Variants in ROBO1 observed in about 807,000 individuals in gnomAD.
ROBO1 encodes roundabout guidance receptor 1.
ROBO1 carries 149 observed loss-of-function variants against 195.9 expected under a neutral mutation model. The ratio of observed to expected loss-of-function variants is 0.76; its 90% CI spans 0.67 to 0.87. The LOEUF (loss-of-function observed/expected upper bound fraction) is 0.87, where lower values mean the gene tolerates loss of function less well. ROBO1 is among the 40% of genes least tolerant of loss of function. The probability of loss-of-function intolerance (pLI) is 0.00; values close to 1 mark genes in which losing one functional copy is unlikely to be tolerated. For synonymous variants in ROBO1, 816 were observed against 733.2 expected, an observed-to-expected ratio of 1.11 and a Z score of -1.82; for missense variants, 1,933 against 2,068.3, an observed-to-expected ratio of 0.93 and a Z score of 1.27.
chr3:78,865,942 A>G (rs922662513), intron 4 of ROBO1, among the ~76,000 whole-genome samples: 4 of 152,172 alleles, frequency 2.6e-5, no homozygotes, highest in African/African-American at 9.7e-5. Context: ...AACACTGGAC[A>G]TAGCTCTCGA....
At chr3:79,522,050 T>A (rs993638932) in intron 2 of ROBO1, among the ~76,000 whole-genome samples, 1 of 152,224 alleles carries the variant, frequency 6.6e-6, no homozygotes, top group African/African-American at 2.4e-5. Context: ...ATATATGAAG[T>A]TAATAACAAC....
intron 2 of ROBO1, among the ~76,000 whole-genome samples, chr3:79,220,618 G>A (rs927070225): frequency 6.6e-6 from 1 of 151,924 alleles, no homozygotes; most frequent in African/African-American, 2.4e-5. Context: ...TGGTGGGTGA[G>A]GGGGTTATTC....
At chr3:79,506,122 T>C (rs1412306279) in intron 2 of ROBO1, among the ~76,000 whole-genome samples, 1 of 151,998 alleles carries the variant, frequency 6.6e-6, no homozygotes, top group Non-Finnish European at 1.5e-5. Flanking sequence ...CACAGGTTTA[T>C]TTATTTATTA....
intron 2 of ROBO1, among the ~76,000 whole-genome samples, chr3:79,258,041 T>G (rs941869510): frequency 6.6e-6 from 1 of 152,082 alleles, no homozygotes; most frequent in Non-Finnish European, 1.5e-5. Flanking sequence ...CTAAACTGTC[T>G]CTTTTCCTGT....
intron 1 of ROBO1, among the ~76,000 whole-genome samples, chr3:79,612,829 T>C (rs908478351): frequency 7.4e-3 from 1 of 136 alleles, no homozygotes; most frequent in African/African-American, 0.028. Flanking sequence ...AAATGTCTTC[T>C]TTTGAGAAGT....
intron 2 of ROBO1, among the ~76,000 whole-genome samples, chr3:79,206,882 A>T (rs553397940): frequency 1.3e-5 from 2 of 152,188 alleles, no homozygotes; most frequent in East Asian, 3.8e-4. Flanking sequence ...CATTAGCTGC[A>T]TATTTAAAAT....
At chr3:79,605,977 CAT>C (rs1170662663) in intron 1 of ROBO1, among the ~76,000 whole-genome samples, 1 of 136,384 alleles carries the variant, frequency 7.3e-6, no homozygotes, top group Non-Finnish European at 1.5e-5. Flanking sequence ...TGGAAGTTTA[CAT>C]ATATGTGTGT....
intron 29 of ROBO1, among the ~76,000 whole-genome samples, chr3:78,605,060 T>G (rs1170797191): frequency 6.6e-6 from 1 of 152,200 alleles, no homozygotes; most frequent in Non-Finnish European, 1.5e-5. Flanking sequence ...CTTCCAAAAT[T>G]TCCATTCACT....
intron 1 of ROBO1, among the ~76,000 whole-genome samples, chr3:79,620,171 C>T (rs1207665066): frequency 7.2e-5 from 11 of 152,170 alleles, no homozygotes; most frequent in Non-Finnish European, 1.6e-4. Context: ...CTGTGCGGGA[C>T]CCCACTGGAA....
At chr3:79,279,502 C>T (rs928116591) in intron 2 of ROBO1, among the ~76,000 whole-genome samples, 3 of 152,010 alleles carry the variant, frequency 2.0e-5, no homozygotes, top group Admixed American at 1.3e-4. Flanking sequence ...AAAGGGAAAG[C>T]TTATGCACTG....
chr3:79,519,329 G>A (rs574149151), intron 2 of ROBO1, among the ~76,000 whole-genome samples: 86 of 152,052 alleles, frequency 5.7e-4, no homozygotes, highest in Non-Finnish European at 2.5e-4. Flanking sequence ...GACAGAAATA[G>A]TTCTCACTAT....
At chr3:79,123,421 G>A (rs2080157950) in intron 3 of ROBO1, among the ~76,000 whole-genome samples, 1 of 151,660 alleles carries the variant, frequency 6.6e-6, no homozygotes, top group South Asian at 2.1e-4. Flanking sequence ...ATAGCCAATT[G>A]GTATCTTTCT....
intron 2 of ROBO1, among the ~76,000 whole-genome samples, chr3:79,373,029 T>A (rs1435756366): frequency 6.6e-6 from 1 of 152,126 alleles, no homozygotes; most frequent in Non-Finnish European, 1.5e-5. Context: ...AGAAAACACA[T>A]TTCTGTTTAC....
intron 8 of ROBO1, among the ~76,000 whole-genome samples, chr3:78,703,811 TTA>T: frequency 9.1e-6 from 1 of 110,022 alleles, no homozygotes; most frequent in South Asian, 2.9e-4. Flanking sequence ...TACCACCATT[TTA>T]CACACACACA....
At chr3:78,814,104 C>A (rs2084826831) in intron 4 of ROBO1, among the ~76,000 whole-genome samples, 1 of 151,972 alleles carries the variant, frequency 6.6e-6, no homozygotes, top group African/African-American at 2.4e-5. Flanking sequence ...GGTATACCTA[C>A]TCTACTACTG....
At chr3:79,214,205 T>G (rs2082014909) in intron 2 of ROBO1, among the ~76,000 whole-genome samples, 1 of 152,048 alleles carries the variant, frequency 6.6e-6, no homozygotes, top group African/African-American at 2.4e-5. Flanking sequence ...TGATTCAGAT[T>G]TTTTCAATTC....
chr3:78,676,948 G>A (rs994153726), intron 10 of ROBO1, among the ~76,000 whole-genome samples: 1 of 152,128 alleles, frequency 6.6e-6, no homozygotes, highest in African/African-American at 2.4e-5. Flanking sequence ...ACCCACAAAG[G>A]GAAGACCATC....
At chr3:79,121,250 A>G (rs1023707837) in intron 3 of ROBO1, among the ~76,000 whole-genome samples, 22 of 152,052 alleles carry the variant, frequency 1.4e-4, no homozygotes, top group African/African-American at 5.3e-4. Flanking sequence ...ACATACCAAA[A>G]TGGTGTTTTT....
chr3:79,121,185 G>A lies in ROBO1; in HGVS notation c.172+4271C>T, dbSNP rs113164518. 1.2e-4 allele frequency among the ~76,000 whole-genome samples: 19 copies of A among 152,174 alleles called. 1 individual carries two copies. The highest frequency in any genetic ancestry group is 6.8e-3 in the Middle Eastern group (2 of 292). On this transcript the variant is annotated intron_variant, in intron 3 of 30. Transcript: ENST00000464233. ...GTGCTCAGAAAATGGCCTTGCATGCGTGTAGTAATAATGAACACTGGTTAT... is the reference window on the plus strand; with the variant it reads ...GTGCTCAGAAAATGGCCTTGCATGCATGTAGTAATAATGAACACTGGTTAT...
Sources: gnomAD v4.1 joint callset for allele counts (sites outside exome capture counted in the v4.1 genomes callset) on GRCh38, gnomAD v4.1.1 for gene constraint, MANE v1.5 for transcripts, NCBI Gene and HGNC (gene_info 2026-07-23, HGNC 2026-07-21) for gene names.